The following MEN1 variants were observed in gnomAD, a reference collection of about 807,000 sequenced individuals.
The protein encoded by MEN1 is menin 1, also known as menin.
MEN1 carries 6 observed loss-of-function variants against 58.0 expected under a neutral mutation model. The ratio of observed to expected loss-of-function variants is 0.10; its 90% CI spans 0.06 to 0.20. The LOEUF is 0.20. Ranked by LOEUF, MEN1 falls within the 10% of genes least tolerant of loss-of-function variation. The probability of loss-of-function intolerance (pLI) is 1.00; values close to 1 mark genes in which losing one functional copy is unlikely to be tolerated. For missense variants in MEN1, 492 were observed against 818.5 expected (o/e 0.60, Z 4.87); for synonymous variants, 346 against 350.7 (o/e 0.99, Z 0.15).
In MEN1 at chr11:64,804,846, C is replaced by G; in HGVS notation, c.1351-30G>C. 6.3e-7 allele frequency: 1 copy of G among 1,595,862 alleles called. No homozygotes were observed. On this transcript the variant is annotated intron_variant, in intron 9 of 9. Coordinates refer to ENST00000450708, the MANE Select transcript of MEN1 (RefSeq NM_001370259.2). This position sits in a 1 kb window ranked among gnomAD's most constrained non-coding sequence, Gnocchi z 4.2. ...GCCAGTGGGGAGAGCAAGGTGAGAG[C>G]AAGGTTGCCGGCCAGTGGCTGGAAC...
rs2136194077 is a variant in MEN1, at chr11:64,810,007, C to G, written c.103G>C (p.Val35Leu). 1 of 1,604,748 alleles carries G rather than the reference C, an allele frequency of 6.2e-7. No homozygotes were observed. The highest frequency in any genetic ancestry group is 8.5e-7 in the Non-Finnish European group (1 of 1,175,646). ...AAGCCCAGCACCAAGGAAAGGAGCA[C>G]CAGGTCCGGCTCCTCTCGGCCCAGC... ...AELGREEPDL[V>L]LLSLVLGFVE... The change falls in exon 2 of 10, where the codon GTG (valine) becomes CTG (leucine). Residue 35 changes from valine (V) to leucine (L), a missense_variant. Around this residue, in one of 5 missense-constraint regions of MEN1, gnomAD observed 335 missense variants for 550.3 expected, o/e 0.61. Transcript: ENST00000450708.
rs1200092213 is a variant in MEN1, at chr11:64,809,774, G to C, written c.336C>G (p.Val112=). The change falls in exon 2 of 10, where the codon GTC becomes GTG. Residue 112 remains valine (V), a synonymous_variant. Coordinates refer to ENST00000450708, the MANE Select transcript of MEN1 (RefSeq NM_001370259.2). ...DLSLYPREGG[V]SSRELVKKVS... ...CCTTCTTCACCAGCTCACGGCTGGAGACACCCCCTTCTCGAGGATAGAGGG... is the reference window on the plus strand; with the variant it reads ...CCTTCTTCACCAGCTCACGGCTGGACACACCCCCTTCTCGAGGATAGAGGG... The C allele has an allele frequency of 2.5e-6, 4 of 1,614,018 alleles. No homozygotes were observed. The highest frequency in any genetic ancestry group is 3.4e-6 in the Non-Finnish European group (4 of 1,180,030).
At chr11:64,805,453 A>T (rs918938568) in intron 8 of MEN1, among the ~76,000 whole-genome samples, 182 bp downstream of exon 8, 5 of 152,094 alleles carry the variant, frequency 3.3e-5, no homozygotes, top group African/African-American at 1.2e-4. Context: ...CCTCTAAAAT[A>T]CCTTCAGTCC....
At chr11:64,805,288 C>G in intron 8 of MEN1, 90 bp from the exon 9 acceptor site, 1 of 1,453,490 alleles carries the variant, frequency 6.9e-7, no homozygotes, top group Non-Finnish European at 9.4e-7. Context: ...AGGCAAAGAC[C>G]CCTGGCTCCA....
chr11:64,806,092 A>T, intron 7 of MEN1, 140 bp downstream of exon 7: 1 of 1,079,870 alleles, frequency 9.3e-7, no homozygotes, highest in Non-Finnish European at 1.4e-6. Flanking sequence ...CCTCCTGGGT[A>T]ATGGTGGCCT....
Position 64,806,330 on chromosome 11 carries a change from G to A in MEN1, c.951C>T (p.His317=), listed in dbSNP as rs1941728103. ...CAGCCAGGTACATGTAGGGGTAGAT[G>A]TGTTCATCCCGATAGTAGGTCTTGG... The part of the protein sequence containing the change: ...ASAKTYYRDE[H]IYPYMYLAGY... The change falls in exon 7 of 10, where the codon CAC becomes CAT. Residue 317 remains histidine, a synonymous_variant. Transcript: ENST00000450708. The A allele has an allele frequency of 6.2e-7, 1 of 1,614,218 alleles. No individual in the cohort carries two copies. Among genetic ancestry groups the A allele is most frequent in the East Asian group, 2.2e-5 (1 of 44,888 alleles).
rs2136189566 is a variant in MEN1 at position 64,809,904 on chromosome 11, G to A, written c.206C>T (p.Pro69Leu). ...PELTFQPSPA[P>L]DPPGGLTYFP... Reference sequence around the variant, plus strand: ...GTAGGTGAGGCCGCCAGGCGGGTCGGGGGCGGGGCTGGGCTGGAAGGTGAG... The same window carrying A: ...GTAGGTGAGGCCGCCAGGCGGGTCGAGGGCGGGGCTGGGCTGGAAGGTGAG... The change falls in exon 2 of 10, where the codon CCC (proline) becomes CTC (leucine). Residue 69 changes from proline to leucine, a missense_variant. Pro to Leu is a moderately conservative substitution (Grantham distance 98). Coordinates refer to ENST00000450708, the MANE Select transcript of MEN1 (RefSeq NM_001370259.2). The A allele has an allele frequency of 1.3e-6, 2 of 1,591,168 alleles. No homozygotes were observed. The highest frequency in any genetic ancestry group is 2.3e-5 in the East Asian group (1 of 43,484).
chr11:64,805,409 G>A (rs1350209240), intron 8 of MEN1, among the ~76,000 whole-genome samples: 1 of 152,200 alleles, frequency 6.6e-6, no homozygotes, highest in Non-Finnish European at 1.5e-5. Context: ...GAGGGAGGGA[G>A]TCTGGCCATG....
At position 64,810,115 on chromosome 11, in the gene MEN1, CG is replaced by C; in HGVS notation, c.-7del. The C allele has an allele frequency of 7.9e-6, 7 of 883,134 alleles. No individual in the cohort carries two copies. The allele number at this position is 883,134 out of a possible 1,614,324, so 54.7% of individuals were successfully genotyped here. A position where few individuals can be genotyped will look rare whatever the true frequency, so the allele number is the denominator to read the frequency against. On this transcript the variant is annotated 5_prime_UTR_variant, in exon 2 of 10. Transcript: ENST00000450708. ...TGGGCGGCCTTCAGCCCCATGGCGGCGGGCGGTGGGCGGCGGCCTGCAAGGC... is the reference window on the plus strand; with the variant it reads ...TGGGCGGCCTTCAGCCCCATGGCGGCGGCGGTGGGCGGCGGCCTGCAAGGC...
rs1941460742 is a variant in MEN1 at position 64,804,055 on chromosome 11, G to A, written c.*279C>T. On this transcript the variant is annotated 3_prime_UTR_variant, in exon 10 of 10. Transcript: ENST00000450708. The surrounding 1 kb of genome is among the most constrained non-coding windows in gnomAD (Gnocchi z 4.2). ...AGGAGCTTGGGTTTCTAGGGGCTGGGCCTTTAAAGACTGGTAATTAGGACC... is the reference window on the plus strand; with the variant it reads ...AGGAGCTTGGGTTTCTAGGGGCTGGACCTTTAAAGACTGGTAATTAGGACC... 1 of 501,250 alleles carries A rather than the reference G, an allele frequency of 2.0e-6. No individual in the cohort carries two copies. Among genetic ancestry groups the A allele is most frequent in the East Asian group, 3.5e-5 (1 of 28,642 alleles). 31.1% of individuals were successfully genotyped at this position (501,250 alleles called of 1,614,324 possible). A position where few individuals can be genotyped will look rare whatever the true frequency, so the allele number is the denominator to read the frequency against.
Position 64,807,483 on chromosome 11 carries a change from C to A in MEN1, c.783+69G>T. 1 of 1,558,824 alleles carries A rather than the reference C, an allele frequency of 6.4e-7. No individual in the cohort carries two copies. Among genetic ancestry groups the A allele is most frequent in the Non-Finnish European group, 8.8e-7 (1 of 1,133,640 alleles). On this transcript the variant is annotated intron_variant, in intron 4 of 9. Coordinates refer to ENST00000450708, the MANE Select transcript of MEN1 (RefSeq NM_001370259.2). This position sits in a 1 kb window ranked among gnomAD's most constrained non-coding sequence, Gnocchi z 4.9. The stretch of plus-strand genomic sequence containing the variant: ...CTGAAGCTCAGGAAGGGAAAGTGCC[C>A]CTGCCCAGGGTCCCACAGCAAGTCA...
chr11:64,805,233 T>G, intron 8 of MEN1, 35 bp from the exon 9 acceptor site: 1 of 1,609,162 alleles, frequency 6.2e-7, no homozygotes, highest in Non-Finnish European at 8.5e-7. Context: ...CAGATCAGTC[T>G]CTTACTCACC....
chr11:64,806,892 G>A (rs956868610), intron 6 of MEN1, 119 bp downstream of exon 6: 4 of 888,742 alleles, frequency 4.5e-6, no homozygotes, highest in South Asian at 4.3e-5. Flanking sequence ...GACACAAAGT[G>A]AGACTGGATG....
rs2136178503 is a variant in MEN1 at position 64,809,687 on chromosome 11, C to T, written c.423G>A (p.Gln141=). 1 of 1,614,148 alleles carries T rather than the reference C, an allele frequency of 6.2e-7. No individual in the cohort carries two copies. The highest frequency in any genetic ancestry group is 1.1e-5 in the South Asian group (1 of 91,088). ...AACCTGTGATGAAGCTGAAGAGGGA[C>T]TGGATGTGGGCCCGATCCTTGAAGT... The part of the protein sequence containing the change: ...RSYFKDRAHI[Q]SLFSFITGTK... Residue 141 remains glutamine (Q), a synonymous_variant, in exon 2 of 10, where the codon CAG becomes CAA. Transcript: ENST00000450708.
chr11:64,807,758 G>A lies in MEN1; in HGVS notation c.655-78C>T. 4 of 1,611,712 alleles carry A rather than the reference G, an allele frequency of 2.5e-6. No individual in the cohort carries two copies. The highest frequency in any genetic ancestry group is 2.7e-5 in the African/African-American group (2 of 75,008). On this transcript the variant is annotated intron_variant, in intron 3 of 9. Coordinates refer to ENST00000450708, the MANE Select transcript of MEN1 (RefSeq NM_001370259.2). This position sits in a 1 kb window ranked among gnomAD's most constrained non-coding sequence, Gnocchi z 4.9. ...TTCAGGGAATGACAGCCAGGAAAAG[G>A]GGCTCTTCTGTCTTCCCTTCCTATG...
rs375628323 is a variant in MEN1, at chr11:64,809,835, C to T, written c.275G>A (p.Arg92His). The change falls in exon 2 of 10, where the codon CGC becomes CAC. Residue 92 changes from arginine (R) to histidine (H), a missense_variant. By Grantham distance (29) the Arg-to-His change is conservative. Around this residue, in one of 5 missense-constraint regions of MEN1, gnomAD observed 335 missense variants for 550.3 expected, o/e 0.61. Transcript: ENST00000450708. ...GGCGCCTCGGATCTGGGCGGTGAAG[C>T]GGGCATAGAGGGCGGCGATGATAGA... Reference protein sequence around the residue: ...DLSIIAALYARFTAQIRGAVD... With the variant: ...DLSIIAALYAHFTAQIRGAVD... The T allele has an allele frequency of 1.9e-6, 3 of 1,611,684 alleles. No individual in the cohort carries two copies. Among genetic ancestry groups the T allele is most frequent in the Non-Finnish European group, 1.7e-6 (2 of 1,179,446 alleles).
intron 6 of MEN1, among the ~76,000 whole-genome samples, chr11:64,806,585 G>C (rs949750945): frequency 1.3e-5 from 2 of 152,196 alleles, no homozygotes; most frequent in African/African-American, 4.8e-5. Flanking sequence ...GACTGCAGGG[G>C]TGGGGCCTGC....
At chr11:64,805,922 A>G in intron 7 of MEN1, 152 bp from the exon 8 acceptor site, 1 of 807,038 alleles carries the variant, frequency 1.2e-6, no homozygotes, top group African/African-American at 1.7e-5. Flanking sequence ...GCCCAGAGGA[A>G]GAAAGCAAGA....
rs2136198017 is a variant in MEN1, at chr11:64,810,143, A to C, written c.-23-11T>G. On this transcript the variant is annotated splice_polypyrimidine_tract_variant and intron_variant, in intron 1 of 9. Coordinates refer to ENST00000450708, the MANE Select transcript of MEN1 (RefSeq NM_001370259.2). ...GCGGTGGGCGGCGGCCTGCAAGGCA[A>C]GCCGGGGGAGGGAGGGTCGGGCAGG... The C allele has an allele frequency of 2.7e-5, 14 of 519,896 alleles. No homozygotes were observed. Among genetic ancestry groups the C allele is most frequent in the Non-Finnish European group, 4.0e-5 (12 of 302,146 alleles). 32.2% of individuals were successfully genotyped at this position (519,896 alleles called of 1,614,324 possible).
Sources: gnomAD v4.1 joint callset for allele counts (sites outside exome capture counted in the v4.1 genomes callset) on GRCh38, gnomAD v4.1.1 for gene constraint, gnomAD v4.1.1 regional missense constraint, Gnocchi (gnomAD v3.1) non-coding constraint, MANE v1.5 for transcripts, NCBI Gene and HGNC (gene_info 2026-07-23, HGNC 2026-07-21) for gene names.